INO80: variants seen among roughly 807,000 people sequenced by gnomAD.
INO80 encodes the protein chromatin-remodeling ATPase INO80.
Under a neutral mutation model 203.4 loss-of-function variants are expected in INO80, and 20 were observed. The ratio of observed to expected loss-of-function variants is 0.10; its 90% CI spans 0.07 to 0.14. The LOEUF (loss-of-function observed/expected upper bound fraction) is 0.14. Ranked by LOEUF, INO80 falls within the 10% of genes least tolerant of loss-of-function variation. INO80 has a pLI of 1.00. For synonymous variants in INO80, 726 were observed against 685.2 expected, an observed-to-expected ratio of 1.06 and a Z score of -0.93; for missense variants, 1,419 against 1,914.4, an observed-to-expected ratio of 0.74 and a Z score of 4.83.
At chr15:41,040,276 AAT>A (rs1430392937) in intron 24 of INO80, among the ~76,000 whole-genome samples, 3 of 152,226 alleles carry the variant, frequency 2.0e-5, no homozygotes, top group Non-Finnish European at 4.4e-5. Context: ...CAGCCAAAAC[AAT>A]ACAGAAGAAA....
Position 41,087,649 on chromosome 15 carries a change from G to A in INO80, c.571C>T (p.Leu191Phe), listed in dbSNP as rs2045581519. Residue 191 changes from leucine (L) to phenylalanine (F), a missense_variant, in exon 6 of 36, where the codon CTC (leucine) becomes TTC (phenylalanine). Leu to Phe is a conservative substitution (Grantham distance 22, BLOSUM62 0). This residue lies in a region of INO80 where 323 missense variants were observed against 325.4 expected (regional missense o/e 0.99). Coordinates refer to ENST00000648947, the MANE Select transcript of INO80 (RefSeq NM_017553.3). ...TCATAGAAAGGGTCATATGTGGAGA[G>A]CAGGCCTGCACTGTAGTACTGATAT... The part of the protein sequence containing the change: ...QQYQYYSAGL[L>F]STYDPFYEQQ... 1.9e-6 allele frequency: 3 copies of A among 1,613,820 alleles called. No individual in the cohort carries two copies. Among genetic ancestry groups the A allele is most frequent in the East Asian group, 2.2e-5 (1 of 44,868 alleles).
intron 27 of INO80, among the ~76,000 whole-genome samples, chr15:41,008,424 G>A (rs531909821): frequency 2.0e-5 from 3 of 152,182 alleles, no homozygotes; most frequent in South Asian, 2.1e-4. Context: ...TTGCCAGGGG[G>A]TAGGGGAAAT....
At position 41,023,780 on chromosome 15, in the gene INO80, A is replaced by AC. The variant is rs1407761041; in HGVS notation, c.3049-2656_3049-2655insG. On this transcript the variant is annotated intron_variant, in intron 25 of 35. Coordinates refer to ENST00000648947, the MANE Select transcript of INO80 (RefSeq NM_017553.3). ...TGAGACTCTGTCTCAAAAAAAAAAA[A>AC]AAACAAAACAAAACGAAAAAAAGAA... is the stretch of plus-strand genomic sequence containing the variant. Among the ~76,000 whole-genome samples the AC allele has an allele frequency of 3.4e-5, 5 of 148,516 alleles. No homozygotes were observed. The East Asian group carries it at 7.9e-4, about 23-fold the overall frequency.
rs543520375 is a variant in INO80 at position 41,004,182 on chromosome 15, C to T, written c.3497+1411G>A. Among the ~76,000 whole-genome samples the T allele has an allele frequency of 4.6e-5, 7 of 152,214 alleles. No homozygotes were observed. In the South Asian group the frequency reaches 1.5e-3, roughly 32 times the overall value. ...AGGTTAGGCTATCCACACAGCTGCA[C>T]GAGGGTAACAAATGGAAACGGGTTT... On this transcript the variant is annotated intron_variant, in intron 28 of 35. Coordinates refer to ENST00000648947, the MANE Select transcript of INO80 (RefSeq NM_017553.3).
intron 11 of INO80, among the ~76,000 whole-genome samples, 153 bp downstream of exon 11, chr15:41,073,274 AC>A (rs2045353119): frequency 6.6e-6 from 1 of 151,966 alleles, no homozygotes; most frequent in Non-Finnish European, 1.5e-5. Context: ...ACCCAGCTCC[AC>A]CCCCTACACA....
chr15:41,046,833 G>T (rs2044776479), intron 23 of INO80, among the ~76,000 whole-genome samples: 1 of 151,328 alleles, frequency 6.6e-6, no homozygotes, highest in African/African-American at 2.4e-5. Flanking sequence ...AGCCAGGCTG[G>T]TCTTGAACTC....
chr15:41,105,379 AC>A (rs1271494547), intron 1 of INO80, among the ~76,000 whole-genome samples: 3 of 152,158 alleles, frequency 2.0e-5, no homozygotes, highest in Non-Finnish European at 4.4e-5. Context: ...CACCCATTCT[AC>A]TGAGATTTAT....
intron 14 of INO80, among the ~76,000 whole-genome samples, chr15:41,061,124 T>C (rs1211618807): frequency 6.6e-6 from 1 of 151,478 alleles, no homozygotes; most frequent in Non-Finnish European, 1.5e-5. Flanking sequence ...CTGGGCAACA[T>C]GGTGAAACTC....
intron 7 of INO80, 138 bp from the exon 8 acceptor site, chr15:41,081,211 TC>T: frequency 1.7e-6 from 1 of 596,824 alleles, no homozygotes; most frequent in Non-Finnish European, 3.0e-6. Flanking sequence ...CTATAAGTCA[TC>T]CAGATGTATT....
At chr15:41,115,245 G>C (rs8027150) in intron 1 of INO80, among the ~76,000 whole-genome samples, 1,774 of 152,270 alleles carry the variant, frequency 0.012, 25 homozygotes, top group African/African-American at 0.04. Context: ...CTGTTAACTA[G>C]AATAGTAAGT....
chr15:40,990,094 A>G (rs186044146), intron 29 of INO80, among the ~76,000 whole-genome samples: 2 of 151,938 alleles, frequency 1.3e-5, no homozygotes, highest in South Asian at 2.1e-4. Flanking sequence ...TAGTATGCAT[A>G]TATCTCTCAC....
At chr15:41,093,008 C>G (rs1461547873) in intron 4 of INO80, among the ~76,000 whole-genome samples, 1 of 152,088 alleles carries the variant, frequency 6.6e-6, no homozygotes, top group East Asian at 1.9e-4. Flanking sequence ...GCACTCCAAC[C>G]TAGGAAACAG....
chr15:41,001,733 T>C (rs182183738), intron 28 of INO80, among the ~76,000 whole-genome samples: 1 of 152,344 alleles, frequency 6.6e-6, no homozygotes, highest in Admixed American at 6.5e-5. Context: ...TCAGACTTTT[T>C]CCTGGAAGGA....
chr15:41,089,230 GCAAATACTTGGAGCGCC>G (rs1198407263), intron 5 of INO80, among the ~76,000 whole-genome samples: 6 of 151,944 alleles, frequency 3.9e-5, no homozygotes, highest in African/African-American at 1.5e-4. Context: ...TAAAAAACAA[GCAAATACTTGGAGCGCC>G]AAGTACCTTA....
intron 24 of INO80, among the ~76,000 whole-genome samples, chr15:41,039,455 A>G (rs961264124): frequency 3.3e-5 from 5 of 152,240 alleles, no homozygotes; most frequent in African/African-American, 1.2e-4. Flanking sequence ...CAATATGTGC[A>G]TGAGTGACTC....
chr15:41,113,661 G>A (rs693328), intron 1 of INO80, among the ~76,000 whole-genome samples: 1,524 of 152,274 alleles, frequency 0.01, 30 homozygotes, highest in African/African-American at 0.036. Flanking sequence ...ACCCAGGCTT[G>A]AGTGCGCTGG....
chr15:41,015,404 G>C (rs1445542895), intron 27 of INO80, among the ~76,000 whole-genome samples: 1 of 152,110 alleles, frequency 6.6e-6, no homozygotes, highest in Non-Finnish European at 1.5e-5. Flanking sequence ...TATTAACTCA[G>C]GTTGAATAGC....
intron 24 of INO80, among the ~76,000 whole-genome samples, chr15:41,036,100 G>A (rs961652838): frequency 1.5e-5 from 2 of 133,910 alleles, no homozygotes; most frequent in Non-Finnish European, 3.1e-5. Context: ...AAGTTGCAGT[G>A]AGCCGAGATC....
At chr15:41,011,977 A>G (rs1399931085) in intron 27 of INO80, among the ~76,000 whole-genome samples, 1 of 152,240 alleles carries the variant, frequency 6.6e-6, no homozygotes, top group African/African-American at 2.4e-5. Context: ...CACATATAGC[A>G]TAAGCTGATT....
Sources: gnomAD v4.1 joint callset for allele counts (sites outside exome capture counted in the v4.1 genomes callset) on GRCh38, gnomAD v4.1.1 for gene constraint, gnomAD v4.1.1 regional missense constraint, MANE v1.5 for transcripts, NCBI Gene and HGNC (gene_info 2026-07-23, HGNC 2026-07-21) for gene names.